Variants in DLG2 observed in about 807,000 individuals in gnomAD.
DLG2 encodes the protein disks large homolog 2.
A neutral mutation model predicts 132.5 loss-of-function variants in DLG2; 45 were observed. The ratio of observed to expected loss-of-function variants is 0.34; its 90% CI spans 0.27 to 0.44. The LOEUF (loss-of-function observed/expected upper bound fraction) is 0.44. Ranked by LOEUF, DLG2 falls within the 20% of genes least tolerant of loss-of-function variation. The probability of loss-of-function intolerance (pLI) is 1.00; values close to 1 mark genes in which losing one functional copy is unlikely to be tolerated. For synonymous variants in DLG2, 424 were observed against 419.6 expected, an observed-to-expected ratio of 1.01 and a Z score of -0.13; for missense variants, 1,045 against 1,196.9, an observed-to-expected ratio of 0.87 and a Z score of 1.87.
chr11:85,121,719 G>T (rs1055979393), intron 5 of DLG2, among the ~76,000 whole-genome samples: 5 of 152,056 alleles, frequency 3.3e-5, no homozygotes, highest in Middle Eastern at 3.4e-3. Context: ...TATCATTTCA[G>T]GCTCACCAAA....
intron 7 of DLG2, among the ~76,000 whole-genome samples, chr11:84,492,275 A>AT (rs1343528344): frequency 8.5e-5 from 13 of 152,244 alleles, no homozygotes; most frequent in African/African-American, 3.1e-4. Flanking sequence ...TGATGATTTG[A>AT]TTTGTTTAAC....
intron 6 of DLG2, 91 bp from the exon 7 acceptor site, chr11:84,534,822 G>A (rs1378827151): frequency 7.0e-7 from 1 of 1,424,972 alleles, no homozygotes; most frequent in Non-Finnish European, 9.8e-7. Context: ...TCATCAATAG[G>A]ACACAGTGTG....
At chr11:85,082,922 G>T (rs1031797737) in intron 6 of DLG2, among the ~76,000 whole-genome samples, 3 of 151,980 alleles carry the variant, frequency 2.0e-5, no homozygotes, top group Non-Finnish European at 4.4e-5. Context: ...ATGGTAAAGA[G>T]AAATTAAGAC....
At chr11:83,872,236 C>T (rs1410515404) in intron 16 of DLG2, among the ~76,000 whole-genome samples, 2 of 152,204 alleles carry the variant, frequency 1.3e-5, no homozygotes, top group Non-Finnish European at 2.9e-5. Flanking sequence ...TCACTTCAAT[C>T]TGGGTGACAG....
chr11:83,841,873 G>T (rs1029729223), intron 16 of DLG2, among the ~76,000 whole-genome samples: 2 of 152,122 alleles, frequency 1.3e-5, no homozygotes, highest in African/African-American at 4.8e-5. Flanking sequence ...AAAGAGCCTG[G>T]GGTAGGAGGA....
At chr11:84,210,599 A>G (rs926290121) in intron 8 of DLG2, among the ~76,000 whole-genome samples, 1 of 152,144 alleles carries the variant, frequency 6.6e-6, no homozygotes, top group Non-Finnish European at 1.5e-5. Context: ...AACAACTGAA[A>G]TGTCTATTAT....
At chr11:84,836,157 G>C (rs1434137558) in intron 6 of DLG2, among the ~76,000 whole-genome samples, 1 of 151,708 alleles carries the variant, frequency 6.6e-6, no homozygotes, top group African/African-American at 2.4e-5. Context: ...ATTCCAGTAA[G>C]AGAATTGGTA....
chr11:85,026,697 C>T (rs998141118), intron 6 of DLG2, among the ~76,000 whole-genome samples: 2 of 151,800 alleles, frequency 1.3e-5, no homozygotes, highest in African/African-American at 2.4e-5. Context: ...ATTAGCCGGG[C>T]GTGGTGGCGG....
chr11:84,642,169 T>C (rs985764825), intron 6 of DLG2, among the ~76,000 whole-genome samples: 2 of 149,556 alleles, frequency 1.3e-5, no homozygotes, highest in Admixed American at 6.7e-5. Context: ...GTTGATTTCT[T>C]TATAAGTTTC....
intron 10 of DLG2, among the ~76,000 whole-genome samples, chr11:84,087,404 T>C (rs2097005066): frequency 6.6e-6 from 1 of 152,224 alleles, no homozygotes; most frequent in Non-Finnish European, 1.5e-5. Flanking sequence ...CAATGAATAA[T>C]GATGCTGGAC....
At chr11:83,616,718 G>T (rs1171505244) in intron 19 of DLG2, among the ~76,000 whole-genome samples, 1 of 151,956 alleles carries the variant, frequency 6.6e-6, no homozygotes, top group Non-Finnish European at 1.5e-5. Context: ...CTTAATCTTT[G>T]CCTATCACAC....
chr11:84,699,767 C>T (rs552621849), intron 6 of DLG2, among the ~76,000 whole-genome samples: 1 of 151,592 alleles, frequency 6.6e-6, no homozygotes, highest in East Asian at 2.0e-4. Context: ...TCTTTTCTAC[C>T]TCTTTTTGCT....
intron 15 of DLG2, among the ~76,000 whole-genome samples, chr11:83,904,068 G>T (rs1037001203): frequency 1.3e-5 from 2 of 152,046 alleles, no homozygotes; most frequent in African/African-American, 4.8e-5. Context: ...GTAAAATAAG[G>T]GTTATTTGAT....
At chr11:84,653,271 A>G (rs1160646749) in intron 6 of DLG2, among the ~76,000 whole-genome samples, 1 of 152,142 alleles carries the variant, frequency 6.6e-6, no homozygotes, top group Non-Finnish European at 1.5e-5. Flanking sequence ...GTGATTCCAG[A>G]CTTGACAGAT....
At chr11:83,691,118 A>G (rs896939713) in intron 18 of DLG2, among the ~76,000 whole-genome samples, 16 of 152,146 alleles carry the variant, frequency 1.1e-4, no homozygotes, top group African/African-American at 3.4e-4. Flanking sequence ...TAACAATCCT[A>G]TCTGGAAATG....
chr11:84,044,683 A>G (rs1254452111), intron 11 of DLG2, among the ~76,000 whole-genome samples: 1 of 151,680 alleles, frequency 6.6e-6, no homozygotes, highest in Admixed American at 6.6e-5. Context: ...TGGCTAGAGA[A>G]CATTTATTTC....
At chr11:83,619,202 A>T (rs771057747) in intron 19 of DLG2, among the ~76,000 whole-genome samples, 1 of 152,108 alleles carries the variant, frequency 6.6e-6, no homozygotes, top group Non-Finnish European at 1.5e-5. Flanking sequence ...TTACATCTGA[A>T]CTAGTATAAC....
At chr11:84,990,211 G>A (rs889680149) in intron 6 of DLG2, among the ~76,000 whole-genome samples, 2 of 152,212 alleles carry the variant, frequency 1.3e-5, no homozygotes, top group African/African-American at 2.4e-5. Context: ...ATCAAAAAGA[G>A]AATGTAATGA....
At chr11:84,527,260 G>T (rs976764993) in intron 7 of DLG2, among the ~76,000 whole-genome samples, 57 of 152,298 alleles carry the variant, frequency 3.7e-4, no homozygotes, top group African/African-American at 1.3e-3. Flanking sequence ...AACAGGAAAG[G>T]CTTTATGTAG....
Sources: gnomAD v4.1 joint callset for allele counts (sites outside exome capture counted in the v4.1 genomes callset) on GRCh38, gnomAD v4.1.1 for gene constraint, MANE v1.5 for transcripts, NCBI Gene and HGNC (gene_info 2026-07-23, HGNC 2026-07-21) for gene names.